Variants in CAVIN1 observed in about 807,000 individuals in gnomAD.
The protein encoded by CAVIN1 is caveolae associated protein 1.
In CAVIN1, 16 loss-of-function variants were observed where a neutral mutation model predicts 24.0. The observed-to-expected ratio is 0.67, with a 90% CI of 0.45 to 1.01. The LOEUF (loss-of-function observed/expected upper bound fraction) is 1.01, where lower values mean the gene tolerates loss of function less well. Among genes scored for constraint, CAVIN1 ranks in the 50% least tolerant of loss-of-function variants. CAVIN1 has a pLI of 0.00. For synonymous variants in CAVIN1, 256 were observed against 256.4 expected (o/e 1.00, Z 0.02); for missense variants, 510 against 551.7 (o/e 0.92, Z 0.76).
chr17:42,422,364 G>A (rs1019971665), intron 1 of CAVIN1, among the ~76,000 whole-genome samples: 5 of 152,314 alleles, frequency 3.3e-5, no homozygotes, highest in Non-Finnish European at 7.4e-5. Context: ...TTTGGGACCC[G>A]AGGGAAGGAT....
intron 1 of CAVIN1, among the ~76,000 whole-genome samples, chr17:42,409,183 C>T (rs987024124): frequency 1.3e-5 from 2 of 151,990 alleles, no homozygotes; most frequent in Non-Finnish European, 2.9e-5. Flanking sequence ...TCACTACAGC[C>T]TCAACCTCCT....
At chr17:42,416,636 G>A (rs1381270952) in intron 1 of CAVIN1, among the ~76,000 whole-genome samples, 4 of 150,804 alleles carry the variant, frequency 2.7e-5, no homozygotes, top group Non-Finnish European at 5.9e-5. Flanking sequence ...AGGAACCCAG[G>A]GATAGCATGA....
Position 42,405,236 on chromosome 17 carries a change from C to G in CAVIN1, c.624G>C (p.Glu208Asp). ...ALELSSDEAV[E>D]VEEVIEESRA... is the part of the protein sequence containing the mutation. ...GGGACTCCTCAATAACCTCCTCAAC[C>G]TCCACCGCCTCGTCCGACGAAAGCT... Residue 208 changes from glutamate (E) to aspartate (D), a missense_variant, in exon 2 of 2, where the codon GAG becomes GAC. Glu to Asp is a conservative substitution (Grantham distance 45, BLOSUM62 2). Transcript: ENST00000357037. The G allele has an allele frequency of 6.2e-7, 1 of 1,613,868 alleles. No individual in the cohort carries two copies. Among genetic ancestry groups the G allele is most frequent in the Non-Finnish European group, 8.5e-7 (1 of 1,179,964 alleles).
chr17:42,411,736 A>G (rs2085480043), intron 1 of CAVIN1: 1 of 985,468 alleles, frequency 1.0e-6, no homozygotes, highest in African/African-American at 1.7e-5. Flanking sequence ...GGGGAACGGC[A>G]GAACCAGAAG....
Position 42,404,984 on chromosome 17 carries a change from C to T in CAVIN1, c.876G>A (p.Thr292=). The part of the protein sequence containing the change: ...VPAERREKLK[T]SRDKLRKSFT... ...AGGATTTGCGCAACTTGTCCCGCGA[C>T]GTCTTCAGTTTCTCGCGCCGCTCGG... The change falls in exon 2 of 2, where the codon ACG becomes ACA. Residue 292 remains threonine (T), a synonymous_variant. Transcript: ENST00000357037. 1 of 1,614,164 alleles carries T rather than the reference C, an allele frequency of 6.2e-7. No homozygotes were observed. The highest frequency in any genetic ancestry group is 1.1e-5 in the South Asian group (1 of 91,086).
intron 1 of CAVIN1, among the ~76,000 whole-genome samples, chr17:42,416,423 C>A (rs7210238): frequency 1 from 151,238 of 151,238 alleles, 75,619 homozygotes; most frequent in Non-Finnish European, 1. Context: ...GGAAAGAAGG[C>A]CGGAAGGAAT....
intron 1 of CAVIN1, among the ~76,000 whole-genome samples, chr17:42,406,986 A>C (rs1032855354): frequency 6.6e-5 from 10 of 152,158 alleles, no homozygotes; most frequent in Non-Finnish European, 1.0e-4. Context: ...GTCTAGGAGT[A>C]GGATGGGTGG....
intron 1 of CAVIN1, among the ~76,000 whole-genome samples, chr17:42,420,451 T>A (rs2085538682): frequency 6.6e-6 from 1 of 152,248 alleles, no homozygotes; most frequent in Non-Finnish European, 1.5e-5. Flanking sequence ...CCCCATTTGC[T>A]GGAATCTTTT....
rs756872881 is a variant in CAVIN1, at chr17:42,405,043, G to T, written c.817C>A (p.Arg273Ser). ...LEKTRHTLEK[R>S]MNKLGTRLVP... Reference sequence around the variant, plus strand: ...AGGCGCGTGCCCAGCTTGTTCATGCGCTTCTCCAGGGTGTGCCGCGTCTTC... The same window carrying T: ...AGGCGCGTGCCCAGCTTGTTCATGCTCTTCTCCAGGGTGTGCCGCGTCTTC... Residue 273 changes from arginine to serine, a missense_variant, in exon 2 of 2, where the codon CGC (arginine) becomes AGC (serine). Physicochemically the swap from Arg to Ser is moderately radical, Grantham distance 110 (BLOSUM62 -1). Transcript: ENST00000357037. 3.3e-5 allele frequency: 53 copies of T among 1,614,036 alleles called. No individual in the cohort carries two copies. The highest frequency in any genetic ancestry group is 4.2e-5 in the Non-Finnish European group (50 of 1,180,020).
intron 1 of CAVIN1, chr17:42,411,809 T>G: frequency 1.0e-6 from 1 of 985,394 alleles, no homozygotes; most frequent in South Asian, 4.7e-5. Flanking sequence ...CATTTACTAC[T>G]AAAAACAGAA....
chr17:42,410,044 C>T (rs888288608), intron 1 of CAVIN1, among the ~76,000 whole-genome samples: 4 of 152,208 alleles, frequency 2.6e-5, no homozygotes, highest in Admixed American at 6.5e-5. Context: ...CTCCACCCCC[C>T]AACCCTGCTG....
Position 42,403,638 on chromosome 17 carries a change from T to A in CAVIN1, c.*1049A>T, listed in dbSNP as rs1247659209. On this transcript the variant is annotated 3_prime_UTR_variant, in exon 2 of 2. Coordinates refer to ENST00000357037, the MANE Select transcript of CAVIN1 (RefSeq NM_012232.6). ...CTTCTCCTATTTTCCTTTTTTTTCC[T>A]TCTGTTGAGATGGAGTCTCACTCTG... The A allele has an allele frequency of 1.3e-5, 2 of 152,698 alleles. No homozygotes were observed. Among genetic ancestry groups the A allele is most frequent in the African/African-American group, 4.8e-5 (2 of 41,390 alleles). The allele number at this position is 152,698 out of a possible 1,614,324, so 9.5% of individuals were successfully genotyped here. A position where few individuals can be genotyped will look rare whatever the true frequency, so the allele number is the denominator to read the frequency against.
chr17:42,411,357 C>A, intron 1 of CAVIN1: 2 of 833,186 alleles, frequency 2.4e-6, no homozygotes, highest in Non-Finnish European at 2.9e-6. Context: ...AGTTCAGAAC[C>A]AGCCTGGGCA....
At chr17:42,412,389 CTTTTTTTTTTTTTT>C (rs34186503) in intron 1 of CAVIN1, 1 of 198,966 alleles carries the variant, frequency 5.0e-6, no homozygotes, top group African/African-American at 2.9e-5. Flanking sequence ...AAATAAACCA[CTTTTTTTTTTTTTT>C]TTTTTTTAGA....
At chr17:42,419,607 G>C (rs953142769) in intron 1 of CAVIN1, among the ~76,000 whole-genome samples, 1 of 152,048 alleles carries the variant, frequency 6.6e-6, no homozygotes, top group African/African-American at 2.4e-5. Context: ...CACCTAGCCC[G>C]GCCTCTGCAT....
At chr17:42,420,468 G>A (rs569678640) in intron 1 of CAVIN1, among the ~76,000 whole-genome samples, 23 of 152,240 alleles carry the variant, frequency 1.5e-4, no homozygotes, top group African/African-American at 5.1e-4. Context: ...TTTTCCTTAC[G>A]TCTGAAGTCT....
chr17:42,409,352 C>T (rs1356440664), intron 1 of CAVIN1, among the ~76,000 whole-genome samples: 2 of 152,170 alleles, frequency 1.3e-5, no homozygotes, highest in Admixed American at 6.5e-5. Context: ...CCCCTTGCCT[C>T]GGCCTCCCAA....
intron 1 of CAVIN1, among the ~76,000 whole-genome samples, chr17:42,419,817 G>C (rs1377198631): frequency 1.3e-5 from 2 of 152,016 alleles, no homozygotes; most frequent in Non-Finnish European, 2.9e-5. Flanking sequence ...GAGAAGGGCA[G>C]TAATGACTCA....
At position 42,406,375 on chromosome 17, in the gene CAVIN1, C is replaced by CATT. The variant is rs59023533; in HGVS notation, c.472-988_472-987insAAT. Among the ~76,000 whole-genome samples the CATT allele has an allele frequency of 7.2e-4, 102 of 140,966 alleles. 2 individuals are homozygous for CATT. Among genetic ancestry groups the CATT allele is most frequent in the African/African-American group, 2.2e-3 (85 of 38,260 alleles). The allele number at this position is 140,966 out of a possible 152,430, so 92.5% of individuals were successfully genotyped here. Reference sequence around the variant, plus strand: ...TGCATTTCCTAGACTCAAGCTATTTCTTTTTTTTTTTTTTTTTGAGATGGA... The same window carrying CATT: ...TGCATTTCCTAGACTCAAGCTATTTCATTTTTTTTTTTTTTTTTTTGAGATGGA... On this transcript the variant is annotated intron_variant, in intron 1 of 1. Transcript: ENST00000357037.
Sources: allele counts gnomAD v4.1 joint callset (sites outside exome capture counted in the v4.1 genomes callset), GRCh38; gene constraint gnomAD v4.1.1; transcripts MANE v1.5; gene names NCBI Gene and HGNC (gene_info 2026-07-23, HGNC 2026-07-21).